The following KCNC2 variants were observed in gnomAD, a reference collection of about 807,000 sequenced individuals.
KCNC2 encodes the protein potassium voltage-gated channel subfamily C member 2.
KCNC2 carries 21 observed loss-of-function variants against 44.5 expected under a neutral mutation model. The ratio of observed to expected loss-of-function variants is 0.47; its 90% CI spans 0.33 to 0.68. The LOEUF is 0.68. KCNC2 is among the 30% of genes least tolerant of loss of function. The probability of loss-of-function intolerance (pLI) is 0.01; values close to 1 mark genes in which losing one functional copy is unlikely to be tolerated. For missense variants in KCNC2, 589 were observed against 826.2 expected, an observed-to-expected ratio of 0.71 and a Z score of 3.52; for synonymous variants, 391 against 339.1, an observed-to-expected ratio of 1.15 and a Z score of -1.68.
chr12:75,064,703 T>C (rs1350515), intron 2 of KCNC2, among the ~76,000 whole-genome samples: 134,195 of 152,040 alleles, frequency 0.88, 59,386 homozygotes, highest in Admixed American at 0.91. Flanking sequence ...AAGGTTGACA[T>C]TGAAATGACA....
intron 2 of KCNC2, among the ~76,000 whole-genome samples, chr12:75,099,925 C>T (rs1228723379): frequency 3.9e-5 from 6 of 152,076 alleles, no homozygotes; most frequent in South Asian, 4.1e-4. Context: ...CATTTTTGCA[C>T]GTAAAAATCA....
chr12:75,163,800 C>T (rs1168874565), intron 2 of KCNC2, among the ~76,000 whole-genome samples: 2 of 151,582 alleles, frequency 1.3e-5, no homozygotes, highest in Non-Finnish European at 3.0e-5. Flanking sequence ...ACTTGAAATG[C>T]TAACTGTTTA....
intron 2 of KCNC2, among the ~76,000 whole-genome samples, chr12:75,073,742 A>T (rs1883643814): frequency 6.6e-6 from 1 of 152,222 alleles, no homozygotes; most frequent in African/African-American, 2.4e-5. Context: ...CATGGAAGTG[A>T]TTTAAAATTC....
In KCNC2 at chr12:75,122,648, G is replaced by C. The variant is rs774293634; in HGVS notation, c.688-71331C>G. On this transcript the variant is annotated intron_variant, in intron 2 of 4. Coordinates refer to ENST00000549446, the MANE Select transcript of KCNC2 (RefSeq NM_139137.4). ...TAGAATTTTCGTAGTTGGTCTGTTA[G>C]GGCAAATAAAGACTATTACAATTAA... 2.3e-4 allele frequency among the ~76,000 whole-genome samples: 35 copies of C among 152,028 alleles called. 2 individuals are homozygous for C. The highest frequency in any genetic ancestry group is 2.1e-3 in the South Asian group (10 of 4,818).
At chr12:75,072,294 A>G (rs1592805754) in intron 2 of KCNC2, among the ~76,000 whole-genome samples, 1 of 152,332 alleles carries the variant, frequency 6.6e-6, no homozygotes, top group African/African-American at 2.4e-5. Flanking sequence ...GACAAATGTG[A>G]TATCTAATTT....
intron 2 of KCNC2, among the ~76,000 whole-genome samples, chr12:75,065,766 G>T (rs537860942): frequency 6.6e-6 from 1 of 152,120 alleles, no homozygotes; most frequent in Non-Finnish European, 1.5e-5. Flanking sequence ...ATTACCTAAT[G>T]GTGCATTTCT....
chr12:75,152,295 A>G (rs1184841100), intron 2 of KCNC2, among the ~76,000 whole-genome samples: 6 of 151,480 alleles, frequency 4.0e-5, no homozygotes, highest in African/African-American at 1.2e-4. Context: ...CAAAATGAAT[A>G]AAAAGATCTT....
At chr12:75,061,566 T>TACAC (rs59052402) in intron 2 of KCNC2, among the ~76,000 whole-genome samples, 53 of 143,448 alleles carry the variant, frequency 3.7e-4, no homozygotes, top group Middle Eastern at 3.5e-3. Context: ...AAGTGACAAG[T>TACAC]ACACACACAC....
intron 2 of KCNC2, among the ~76,000 whole-genome samples, chr12:75,070,813 C>T (rs1044576185): frequency 3.3e-5 from 5 of 151,824 alleles, no homozygotes; most frequent in African/African-American, 9.7e-5. Context: ...ATAAAGAGTA[C>T]AAATATTTCG....
chr12:75,130,726 A>T (rs1233833321), intron 2 of KCNC2, among the ~76,000 whole-genome samples: 1 of 152,070 alleles, frequency 6.6e-6, no homozygotes, highest in African/African-American at 2.4e-5. Flanking sequence ...TTGGGTATAT[A>T]CACATTTTAA....
chr12:75,167,227 A>G (rs1891515633), intron 2 of KCNC2, among the ~76,000 whole-genome samples: 1 of 151,348 alleles, frequency 6.6e-6, no homozygotes. Context: ...AAACATATGG[A>G]TGACCTTTTA....
At chr12:75,077,467 C>G (rs932351815) in intron 2 of KCNC2, among the ~76,000 whole-genome samples, 1 of 152,172 alleles carries the variant, frequency 6.6e-6, no homozygotes, top group Non-Finnish European at 1.5e-5. Context: ...GGATATTTCA[C>G]AGTTCCTCAA....
Position 75,112,500 on chromosome 12 carries a change from C to A in KCNC2, c.688-61183G>T, listed in dbSNP as rs188057157. ...TCACTCCATTTTTATTTTATCTTAT[C>A]TAAAAAATTATACTGCGTCCCTATT... On this transcript the variant is annotated intron_variant, in intron 2 of 4. Coordinates refer to ENST00000549446, the MANE Select transcript of KCNC2 (RefSeq NM_139137.4). Among the ~76,000 whole-genome samples, 84 of 152,036 alleles carry A rather than the reference C, an allele frequency of 5.5e-4. No homozygotes were observed. The East Asian group carries it at 0.015, about 27-fold the overall frequency.
intron 2 of KCNC2, chr12:75,124,992 G>GGGAGGA: frequency 6.6e-6 from 1 of 152,190 alleles, no homozygotes; most frequent in Non-Finnish European, 1.5e-5. Flanking sequence ...TGTAGTCCTA[G>GGGAGGA]CTATGCGGGA....
chr12:75,164,892 A>C (rs1891344775), intron 2 of KCNC2, among the ~76,000 whole-genome samples: 1 of 151,690 alleles, frequency 6.6e-6, no homozygotes, highest in African/African-American at 2.4e-5. Flanking sequence ...TGTTTAACAA[A>C]ATCTGTCAAT....
At chr12:75,134,467 T>C (rs1262278738) in intron 2 of KCNC2, among the ~76,000 whole-genome samples, 4 of 151,926 alleles carry the variant, frequency 2.6e-5, no homozygotes, top group Admixed American at 2.6e-4. Flanking sequence ...AAACGTCATA[T>C]TGAAATTTCA....
intron 2 of KCNC2, among the ~76,000 whole-genome samples, chr12:75,079,676 A>G (rs978073829): frequency 1.3e-5 from 2 of 152,134 alleles, no homozygotes; most frequent in African/African-American, 2.4e-5. Context: ...TAAAACAAAA[A>G]CTCAGTTACT....
At position 75,041,131 on chromosome 12, in the gene KCNC2, G is replaced by C. The variant is rs1209137187; in HGVS notation, c.*1974C>G. ...ATTCAGCAGCAGAAGTCTGTTTCCAGTATAGTCCTTGGTATGGCTAAATTC... is the reference window on the plus strand; with the variant it reads ...ATTCAGCAGCAGAAGTCTGTTTCCACTATAGTCCTTGGTATGGCTAAATTC... On this transcript the variant is annotated 3_prime_UTR_variant, in exon 5 of 5. Coordinates refer to ENST00000549446, the MANE Select transcript of KCNC2 (RefSeq NM_139137.4). The C allele has an allele frequency of 6.3e-7, 1 of 1,596,692 alleles. No individual in the cohort carries two copies. The highest frequency in any genetic ancestry group is 8.5e-7 in the Non-Finnish European group (1 of 1,178,742).
chr12:75,058,259 A>G (rs1248727388), intron 2 of KCNC2, among the ~76,000 whole-genome samples: 2 of 151,920 alleles, frequency 1.3e-5, no homozygotes, highest in Non-Finnish European at 2.9e-5. Flanking sequence ...GACAATATAT[A>G]GCAATTTCAT....
Sources: gnomAD v4.1 joint callset for allele counts (sites outside exome capture counted in the v4.1 genomes callset) on GRCh38, gnomAD v4.1.1 for gene constraint, MANE v1.5 for transcripts, NCBI Gene and HGNC (gene_info 2026-07-23, HGNC 2026-07-21) for gene names.